CYP3A43: variants seen among roughly 807,000 people sequenced by gnomAD.
The protein encoded by CYP3A43 is cytochrome P450 3A43.
Under a neutral mutation model 58.0 loss-of-function variants are expected in CYP3A43, and 45 were observed. That is an observed-to-expected ratio of 0.78 (90% confidence interval 0.61 to 0.99). The LOEUF (loss-of-function observed/expected upper bound fraction) is 0.99, where lower values mean the gene tolerates loss of function less well. Among genes scored for constraint, CYP3A43 ranks in the 50% least tolerant of loss-of-function variants. The probability of loss-of-function intolerance (pLI) is 0.00; values close to 1 mark genes in which losing one functional copy is unlikely to be tolerated. For missense variants in CYP3A43, 593 were observed against 591.9 expected (o/e 1.00, Z -0.02); for synonymous variants, 191 against 201.4 (o/e 0.95, Z 0.44).
At chr7:99,865,372 T>C (rs533367604) in intron 12 of CYP3A43, among the ~76,000 whole-genome samples, 2 of 148,572 alleles carry the variant, frequency 1.3e-5, no homozygotes, top group Admixed American at 6.6e-5. Context: ...AGAGAAGAAG[T>C]AAAAAACAAA....
At chr7:99,852,754 G>A (rs1817811754) in intron 7 of CYP3A43, among the ~76,000 whole-genome samples, 1 of 152,152 alleles carries the variant, frequency 6.6e-6, no homozygotes, top group African/African-American at 2.4e-5. Context: ...ACTAAGTATG[G>A]TTAGCTATGG....
In CYP3A43 at chr7:99,863,540, C is replaced by A; in HGVS notation, c.1257C>A (p.Phe419Leu). 6.3e-7 allele frequency: 1 copy of A among 1,594,554 alleles called. No individual in the cohort carries two copies. The highest frequency in any genetic ancestry group is 8.5e-7 in the Non-Finnish European group (1 of 1,173,358). The change falls in exon 12 of 13, where the codon TTC becomes TTA. Residue 419 changes from phenylalanine to leucine, a missense_variant. Coordinates refer to ENST00000354829, the MANE Select transcript of CYP3A43 (RefSeq NM_057095.3). ...TEPEKFCPERFSKKNKDSIDL... is the reference protein window; with the variant it reads ...TEPEKFCPERLSKKNKDSIDL... ...TTATGTACTACTGTGAAAGTAGGTT[C>A]AGTAAGAAGAACAAGGACAGCATAG...
intron 1 of CYP3A43, among the ~76,000 whole-genome samples, chr7:99,832,420 T>C (rs2151587351): frequency 6.6e-6 from 1 of 151,510 alleles, no homozygotes; most frequent in East Asian, 1.9e-4. Flanking sequence ...TCACAAGATC[T>C]GATGGTTTTA....
rs147039760 is a variant in CYP3A43 at position 99,835,250 on chromosome 7, T to C, written c.72-1203T>C. Among the ~76,000 whole-genome samples, 10 of 152,352 alleles carry C rather than the reference T, an allele frequency of 6.6e-5. No homozygotes were observed. In the East Asian group the frequency reaches 1.9e-3, roughly 29 times the overall value. Reference sequence around the variant, plus strand: ...GTCTTACGATCTGGTTTGGTTGACATACTACTTAGCAGAACAGTCTTCCCT... The same window carrying C: ...GTCTTACGATCTGGTTTGGTTGACACACTACTTAGCAGAACAGTCTTCCCT... On this transcript the variant is annotated intron_variant, in intron 1 of 12. Transcript: ENST00000354829.
chr7:99,859,342 C>T (rs1177037055), intron 9 of CYP3A43, among the ~76,000 whole-genome samples: 1 of 152,172 alleles, frequency 6.6e-6, no homozygotes, highest in Non-Finnish European at 1.5e-5. Flanking sequence ...CGCAAACATG[C>T]TTAGAGAAAA....
chr7:99,835,664 G>A (rs987063626), intron 1 of CYP3A43, among the ~76,000 whole-genome samples: 3 of 152,174 alleles, frequency 2.0e-5, no homozygotes, highest in Non-Finnish European at 2.9e-5. Context: ...TTCTAACTTG[G>A]TTCCTGCACA....
rs1401442673 is a variant in CYP3A43, at chr7:99,855,649, A to C, written c.729A>C (p.Lys243Asn). 2 of 1,613,578 alleles carry C rather than the reference A, an allele frequency of 1.2e-6. No homozygotes were observed. Among genetic ancestry groups the C allele is most frequent in the African/African-American group, 1.3e-5 (1 of 74,894 alleles). ...FEALNIGLFP[K>N]DVTHFLKNSI... ...CCCTAAATATCGGTTTGTTTCCAAA[A>C]GATGTTACCCATTTTTTAAAAAATT... The change falls in exon 8 of 13, where the codon AAA becomes AAC. Residue 243 changes from lysine (K) to asparagine (N), a missense_variant. By Grantham distance (94) the Lys-to-Asn change is moderately conservative. Coordinates refer to ENST00000354829, the MANE Select transcript of CYP3A43 (RefSeq NM_057095.3).
chr7:99,847,352 C>G lies in CYP3A43; in HGVS notation c.319-136C>G. On this transcript the variant is annotated intron_variant, in intron 4 of 12. Coordinates refer to ENST00000354829, the MANE Select transcript of CYP3A43 (RefSeq NM_057095.3). Reference sequence around the variant, plus strand: ...TTCAAGATAAATCTTTATTGAGCATCTAGTATAGAGCCTGCCACCCAGTAG... The same window carrying G: ...TTCAAGATAAATCTTTATTGAGCATGTAGTATAGAGCCTGCCACCCAGTAG... The G allele has an allele frequency of 3.9e-6, 3 of 769,954 alleles. No homozygotes were observed. The East Asian group carries it at 8.3e-5, about 21-fold the overall frequency. 47.7% of individuals were successfully genotyped at this position (769,954 alleles called of 1,614,324 possible). A position where few individuals can be genotyped will look rare whatever the true frequency, so the allele number is the denominator to read the frequency against.
At chr7:99,844,334 T>C in intron 4 of CYP3A43, 92 bp downstream of exon 4, 1 of 1,218,088 alleles carries the variant, frequency 8.2e-7, no homozygotes, top group Non-Finnish European at 1.2e-6. Context: ...GACAGGAAAG[T>C]GCTTTATACT....
rs754469265 is a variant in CYP3A43, at chr7:99,844,236, C to A, written c.312C>A (p.Asn104Lys). Residue 104 changes from asparagine (N) to lysine (K), a missense_variant, in exon 4 of 13, where the codon AAC becomes AAA. Physicochemically the swap from Asn to Lys is moderately conservative, Grantham distance 94. Coordinates refer to ENST00000354829, the MANE Select transcript of CYP3A43 (RefSeq NM_057095.3). ...LVKECYSVFT[N>K]QMPLGPMGFL... ...AAGAATGTTACTCTGTCTTCACAAACCAGATGGTAGGCCTATATTTTCAAA... is the reference window on the plus strand; with the variant it reads ...AAGAATGTTACTCTGTCTTCACAAAACAGATGGTAGGCCTATATTTTCAAA... The A allele has an allele frequency of 1.1e-5, 18 of 1,613,022 alleles. No homozygotes were observed. The South Asian group carries it at 1.9e-4, about 17-fold the overall frequency.
intron 9 of CYP3A43, among the ~76,000 whole-genome samples, chr7:99,858,069 T>G (rs556568128): frequency 5.3e-5 from 8 of 152,132 alleles, no homozygotes; most frequent in Non-Finnish European, 1.2e-4. Flanking sequence ...GTACTGAACA[T>G]GTAGCTGCTG....
intron 10 of CYP3A43, among the ~76,000 whole-genome samples, chr7:99,860,379 G>A (rs1818182088): frequency 6.6e-6 from 1 of 152,116 alleles, no homozygotes; most frequent in Non-Finnish European, 1.5e-5. Context: ...GGCCCTGGGT[G>A]CGCTGGGCAG....
At position 99,865,640 on chromosome 7, in the gene CYP3A43, C is replaced by G. The variant is rs905618197; in HGVS notation, c.1417-266C>G. On this transcript the variant is annotated intron_variant, in intron 12 of 12. Transcript: ENST00000354829. Reference sequence around the variant, plus strand: ...TGCTTAAAATTTAAATAAAAAGGAACAGAAGCCAGCATGAACAATCTCAAG... The same window carrying G: ...TGCTTAAAATTTAAATAAAAAGGAAGAGAAGCCAGCATGAACAATCTCAAG... Among the ~76,000 whole-genome samples the G allele has an allele frequency of 9.4e-5, 14 of 148,518 alleles. 3 individuals are homozygous for G. Among genetic ancestry groups the G allele is most frequent in the African/African-American group, 3.7e-4 (14 of 38,070 alleles).
At chr7:99,847,119 C>A (rs1476765853) in intron 4 of CYP3A43, among the ~76,000 whole-genome samples, 1 of 152,118 alleles carries the variant, frequency 6.6e-6, no homozygotes, top group African/African-American at 2.4e-5. Flanking sequence ...GCCAAGGCGA[C>A]CTGCCTATCT....
Position 99,847,534 on chromosome 7 carries a change from A to G in CYP3A43, c.365A>G (p.Glu122Gly). ...GFLKSALSFA[E>G]DEEWKRIRTL... is the part of the protein sequence containing the mutation. ...CTGAAAAGTGCCTTAAGTTTTGCTG[A>G]AGATGAAGAATGGAAGAGAATACGA... is the stretch of plus-strand genomic sequence containing the variant. Residue 122 changes from glutamate to glycine, a missense_variant, in exon 5 of 13, where the codon GAA becomes GGA. Transcript: ENST00000354829. 6.2e-7 allele frequency: 1 copy of G among 1,614,056 alleles called. No individual in the cohort carries two copies. The highest frequency in any genetic ancestry group is 8.5e-7 in the Non-Finnish European group (1 of 1,179,992).
chr7:99,843,625 C>T (rs2151601657), intron 3 of CYP3A43, among the ~76,000 whole-genome samples: 1 of 152,106 alleles, frequency 6.6e-6, no homozygotes, highest in African/African-American at 2.4e-5. Context: ...GCCACCACGC[C>T]CAGCTAATTT....
At chr7:99,840,661 C>T (rs993392248) in intron 3 of CYP3A43, among the ~76,000 whole-genome samples, 26 of 152,104 alleles carry the variant, frequency 1.7e-4, no homozygotes, top group Non-Finnish European at 1.5e-5. Flanking sequence ...TGGTTCTTTC[C>T]TCTTTAAATT....
chr7:99,847,544 A>G lies in CYP3A43; in HGVS notation c.375A>G (p.Glu125=), dbSNP rs1817582316. The G allele has an allele frequency of 6.2e-7, 1 of 1,614,078 alleles. No homozygotes were observed. Among genetic ancestry groups the G allele is most frequent in the Non-Finnish European group, 8.5e-7 (1 of 1,179,986 alleles). The change falls in exon 5 of 13, where the codon GAA becomes GAG. Residue 125 remains glutamate (E), a synonymous_variant. Transcript: ENST00000354829. ...CCTTAAGTTTTGCTGAAGATGAAGA[A>G]TGGAAGAGAATACGAACATTGCTAT... The part of the protein sequence containing the change: ...KSALSFAEDE[E]WKRIRTLLSP...
At chr7:99,844,366 T>G in intron 4 of CYP3A43, 124 bp downstream of exon 4, 1 of 851,834 alleles carries the variant, frequency 1.2e-6, no homozygotes, top group South Asian at 1.6e-5. Context: ...CCCCCAATGG[T>G]GATGTCTTAT....
Sources: allele counts gnomAD v4.1 joint callset (sites outside exome capture counted in the v4.1 genomes callset), GRCh38; gene constraint gnomAD v4.1.1; transcripts MANE v1.5; gene names NCBI Gene and HGNC (gene_info 2026-07-23, HGNC 2026-07-21).